KMO: variants seen among roughly 807,000 people sequenced by gnomAD.
KMO encodes kynurenine 3-hydroxylase.
In KMO, 24 loss-of-function variants were observed where a neutral mutation model predicts 57.8. That is an observed-to-expected ratio of 0.42 (90% CI 0.30 to 0.58). The LOEUF is 0.58. KMO is among the 20% of genes least tolerant of loss of function. The probability of loss-of-function intolerance (pLI) is 0.22; values close to 1 mark genes in which losing one functional copy is unlikely to be tolerated. For synonymous variants in KMO, 210 were observed against 193.6 expected, an observed-to-expected ratio of 1.08 and a Z score of -0.70; for missense variants, 483 against 588.2, an observed-to-expected ratio of 0.82 and a Z score of 1.85.
chr1:241,578,826 GCA>G (rs763438888), intron 10 of KMO, among the ~76,000 whole-genome samples: 10 of 152,140 alleles, frequency 6.6e-5, no homozygotes, highest in Non-Finnish European at 1.5e-4. Flanking sequence ...TTTGATGGAT[GCA>G]CAGTTTCATG....
chr1:241,545,577 G>A (rs1204187705), intron 1 of KMO, among the ~76,000 whole-genome samples: 1 of 152,082 alleles, frequency 6.6e-6, no homozygotes, highest in African/African-American at 2.4e-5. Context: ...AGTCATATTG[G>A]ACTAAGGCCC....
chr1:241,548,953 C>T, intron 2 of KMO, 55 bp downstream of exon 2: 8 of 1,162,842 alleles, frequency 6.9e-6, no homozygotes, highest in Non-Finnish European at 1.0e-5. Flanking sequence ...GCTCCTGGCA[C>T]TTTGGGAGGC....
intron 1 of KMO, among the ~76,000 whole-genome samples, chr1:241,540,121 T>C (rs1002995337): frequency 6.6e-6 from 1 of 152,200 alleles, no homozygotes; most frequent in Non-Finnish European, 1.5e-5. Context: ...ATCATGTATT[T>C]TATATACATA....
At chr1:241,587,084 G>A (rs1264796551) in intron 11 of KMO, among the ~76,000 whole-genome samples, 2 of 152,080 alleles carry the variant, frequency 1.3e-5, no homozygotes, top group Non-Finnish European at 2.9e-5. Flanking sequence ...CAGTCCCAAC[G>A]TTTTGGCACC....
At chr1:241,562,109 A>T in intron 6 of KMO, 58 bp from the exon 7 acceptor site, 1 of 1,461,946 alleles carries the variant, frequency 6.8e-7, no homozygotes, top group Non-Finnish European at 9.5e-7. Flanking sequence ...CCAGAGGTAC[A>T]TCATCATTTT....
At chr1:241,558,320 A>C (rs1043928793) in intron 5 of KMO, among the ~76,000 whole-genome samples, 1 of 152,262 alleles carries the variant, frequency 6.6e-6, no homozygotes, top group African/African-American at 2.4e-5. Context: ...ATACATCAAT[A>C]AAATGAACGC....
chr1:241,564,998 A>G lies in KMO; in HGVS notation c.627A>G (p.Glu209=), dbSNP rs773095242. ...IPPKNGDYAM[E]PNYLHIWPRN... Reference sequence around the variant, plus strand: ...TCTTTTTTCTGCAGTATGCCATGGAACCTAATTATCTGCATATTTGGCCTA... The same window carrying G: ...TCTTTTTTCTGCAGTATGCCATGGAGCCTAATTATCTGCATATTTGGCCTA... Residue 209 remains glutamate (E), a synonymous_variant, in exon 8 of 15, where the codon GAA becomes GAG. Transcript: ENST00000366559. The G allele has an allele frequency of 1.4e-5, 22 of 1,602,258 alleles. No individual in the cohort carries two copies. Among genetic ancestry groups the G allele is most frequent in the Non-Finnish European group, 1.6e-5 (19 of 1,169,716 alleles).
chr1:241,541,926 T>C (rs2050515), intron 1 of KMO, among the ~76,000 whole-genome samples: 12,691 of 152,246 alleles, frequency 0.083, 809 homozygotes, highest in East Asian at 0.27. Flanking sequence ...TTCATGATTC[T>C]TAAGGATTAG....
chr1:241,591,961 C>A lies in KMO; in HGVS notation c.1269C>A (p.Asn423Lys). ...QRWHWQKKVI[N>K]KGLFFLGSLI... The stretch of plus-strand genomic sequence containing the variant: ...TTCTTGCTGTCTTACAGGTGATAAA[C>A]AAAGGACTCTTTTTCTTGGGATCAC... Residue 423 changes from asparagine to lysine, a missense_variant, in exon 15 of 15, where the codon AAC becomes AAA. Transcript: ENST00000366559. 4 of 1,613,190 alleles carry A rather than the reference C, an allele frequency of 2.5e-6. No individual in the cohort carries two copies. Among genetic ancestry groups the A allele is most frequent in the Non-Finnish European group, 2.5e-6 (3 of 1,179,236 alleles).
At chr1:241,582,103 C>T (rs541256494) in intron 10 of KMO, among the ~76,000 whole-genome samples, 2 of 152,264 alleles carry the variant, frequency 1.3e-5, no homozygotes, top group African/African-American at 4.8e-5. Context: ...TCTCTTTTGT[C>T]CTAAAGGTTT....
intron 4 of KMO, among the ~76,000 whole-genome samples, chr1:241,552,126 C>T (rs1661424076): frequency 6.6e-6 from 1 of 151,822 alleles, no homozygotes; most frequent in Non-Finnish European, 1.5e-5. Context: ...TTGGAGATGA[C>T]ACCATCACCC....
chr1:241,573,469 A>ATTCAGT (rs1662381936), intron 10 of KMO, among the ~76,000 whole-genome samples: 1 of 152,066 alleles, frequency 6.6e-6, no homozygotes. Context: ...AGAGACAGGG[A>ATTCAGT]TTCAGTTTCA....
chr1:241,588,428 G>A lies in KMO; in HGVS notation c.1016-320G>A, dbSNP rs564660815. On this transcript the variant is annotated intron_variant, in intron 11 of 14. Coordinates refer to ENST00000366559, the MANE Select transcript of KMO (RefSeq NM_003679.5). ...TGTTTCCTCCTTTCCTTGTGCTCGC[G>A]TGACTGGTTTACACATGACGTTGGA... Among the ~76,000 whole-genome samples the A allele has an allele frequency of 2.9e-4, 42 of 146,186 alleles. No individual in the cohort carries two copies. The South Asian group carries it at 7.9e-3, about 27-fold the overall frequency.
At chr1:241,538,830 C>T (rs1660842761) in intron 1 of KMO, among the ~76,000 whole-genome samples, 1 of 152,160 alleles carries the variant, frequency 6.6e-6, no homozygotes, top group African/African-American at 2.4e-5. Context: ...TGGAATGGAA[C>T]CAACAACTTT....
At chr1:241,590,729 G>A (rs959617569) in intron 14 of KMO, among the ~76,000 whole-genome samples, 4 of 150,876 alleles carry the variant, frequency 2.7e-5, no homozygotes, top group African/African-American at 4.9e-5. Flanking sequence ...ATTTTACAAC[G>A]TCATTTATTC....
chr1:241,574,521 A>G (rs537960487), intron 10 of KMO, among the ~76,000 whole-genome samples: 1 of 107,576 alleles, frequency 9.3e-6, no homozygotes, highest in East Asian at 2.6e-4. Context: ...AACTGTAGAG[A>G]TGATCATATG....
intron 1 of KMO, among the ~76,000 whole-genome samples, chr1:241,544,403 G>C (rs139416332): frequency 6.6e-6 from 1 of 152,166 alleles, no homozygotes; most frequent in Non-Finnish European, 1.5e-5. Context: ...CTTCCTAAAA[G>C]AAAGAAGCAG....
At chr1:241,554,690 G>A (rs1661544054) in intron 4 of KMO, among the ~76,000 whole-genome samples, 2 of 151,518 alleles carry the variant, frequency 1.3e-5, no homozygotes, top group Non-Finnish European at 1.5e-5. Flanking sequence ...GAAAAAAGTG[G>A]CCGGGCGCTG....
rs1400486222 is a variant in KMO at position 241,555,123 on chromosome 1, C to A, written c.313-489C>A. On this transcript the variant is annotated intron_variant, in intron 4 of 14. Coordinates refer to ENST00000366559, the MANE Select transcript of KMO (RefSeq NM_003679.5). Reference sequence around the variant, plus strand: ...AAGGACTGGTCCTATTCCTATCAATCTTCATCCCTGCCACAACCAACACAC... The same window carrying A: ...AAGGACTGGTCCTATTCCTATCAATATTCATCCCTGCCACAACCAACACAC... 2.6e-5 allele frequency among the ~76,000 whole-genome samples: 4 copies of A among 152,202 alleles called. No individual in the cohort carries two copies. In the East Asian group the frequency reaches 7.7e-4, roughly 29 times the overall value.
Sources: gnomAD v4.1 joint callset for allele counts (sites outside exome capture counted in the v4.1 genomes callset) on GRCh38, gnomAD v4.1.1 for gene constraint, MANE v1.5 for transcripts, NCBI Gene and HGNC (gene_info 2026-07-23, HGNC 2026-07-21) for gene names.